GRIA1: variants seen among roughly 807,000 people sequenced by gnomAD.
GRIA1 encodes the protein glutamate receptor 1.
GRIA1 carries 31 observed loss-of-function variants against 99.2 expected under a neutral mutation model. The observed-to-expected ratio is 0.31, with a 90% CI of 0.23 to 0.42. GRIA1 has a LOEUF of 0.42. GRIA1 is among the 10% of genes least tolerant of loss of function. The probability of loss-of-function intolerance (pLI) is 1.00; values close to 1 mark genes in which losing one functional copy is unlikely to be tolerated. For missense variants in GRIA1, 782 were observed against 1,157.5 expected (o/e 0.68, Z 4.71); for synonymous variants, 438 against 432.4 (o/e 1.01, Z -0.16).
At chr5:153,608,792 A>T (rs1765681450) in intron 2 of GRIA1, among the ~76,000 whole-genome samples, 1 of 151,974 alleles carries the variant, frequency 6.6e-6, no homozygotes, top group Non-Finnish European at 1.5e-5. Context: ...TTCCTGTATA[A>T]CAGTTTTTTT....
chr5:153,806,406 C>T (rs1766430969), intron 15 of GRIA1, among the ~76,000 whole-genome samples: 2 of 152,180 alleles, frequency 1.3e-5, no homozygotes, highest in African/African-American at 2.4e-5. Context: ...GCTGGGACTA[C>T]AGTCACGTGC....
At chr5:153,742,840 C>A (rs953988978) in intron 11 of GRIA1, among the ~76,000 whole-genome samples, 2 of 152,206 alleles carry the variant, frequency 1.3e-5, no homozygotes, top group Admixed American at 6.5e-5. Context: ...TGCATTGAGT[C>A]CACCTGGAAA....
chr5:153,765,419 AT>A, intron 12 of GRIA1, among the ~76,000 whole-genome samples: 1 of 152,240 alleles, frequency 6.6e-6, no homozygotes, highest in Non-Finnish European at 1.5e-5. Context: ...TCCATATACC[AT>A]TAGGACTTCA....
Position 153,638,370 on chromosome 5 carries a change from T to C in GRIA1, c.221-8558T>C, listed in dbSNP as rs144101864. Among the ~76,000 whole-genome samples, 437 of 152,356 alleles carry C rather than the reference T, an allele frequency of 2.9e-3. 3 individuals are homozygous for C. The highest frequency in any genetic ancestry group is 1.0e-2 in the African/African-American group (415 of 41,580). On this transcript the variant is annotated intron_variant, in intron 2 of 15. Transcript: ENST00000285900. ...GTGGACATTTATGGAGCTCCTAACA[T>C]GATTTTGGGCTCTAATTTATGAAAT...
intron 13 of GRIA1, among the ~76,000 whole-genome samples, chr5:153,779,076 A>C (rs183513330): frequency 2.2e-4 from 33 of 152,310 alleles, no homozygotes; most frequent in Middle Eastern, 3.4e-3. Flanking sequence ...CAACTGTGCC[A>C]TAAGTTTAGA....
chr5:153,541,954 A>C (rs1581201699), intron 2 of GRIA1, among the ~76,000 whole-genome samples: 1 of 139,476 alleles, frequency 7.2e-6, no homozygotes, highest in African/African-American at 2.6e-5. Context: ...AAAAAAAAAC[A>C]AGAAAAGTGT....
chr5:153,564,603 A>T (rs1200159264), intron 2 of GRIA1, among the ~76,000 whole-genome samples: 1 of 152,212 alleles, frequency 6.6e-6, no homozygotes, highest in East Asian at 1.9e-4. Context: ...CAGCTGCAAC[A>T]CTTACACAAG....
chr5:153,688,813 G>A (rs1319082842), intron 8 of GRIA1, among the ~76,000 whole-genome samples: 1 of 151,446 alleles, frequency 6.6e-6, no homozygotes, highest in Non-Finnish European at 1.5e-5. Context: ...TCCACCTCCC[G>A]GATTCAAGTG....
intron 2 of GRIA1, among the ~76,000 whole-genome samples, chr5:153,549,820 G>C (rs550813025): frequency 6.6e-6 from 1 of 152,242 alleles, no homozygotes; most frequent in Non-Finnish European, 1.5e-5. Context: ...GTGGACTCAG[G>C]TCTGCATTCC....
intron 14 of GRIA1, among the ~76,000 whole-genome samples, chr5:153,800,149 T>C (rs1426620319): frequency 2.0e-5 from 3 of 152,194 alleles, no homozygotes; most frequent in Non-Finnish European, 4.4e-5. Context: ...CCTCCAGCTT[T>C]CTTTTTTACC....
intron 12 of GRIA1, among the ~76,000 whole-genome samples, chr5:153,764,966 G>C (rs1763417128): frequency 2.0e-5 from 3 of 152,150 alleles, no homozygotes; most frequent in African/African-American, 7.2e-5. Flanking sequence ...TAATCAATTA[G>C]GAACAGCTTA....
At chr5:153,751,341 G>A (rs1762500622) in intron 11 of GRIA1, among the ~76,000 whole-genome samples, 1 of 152,338 alleles carries the variant, frequency 6.6e-6, no homozygotes, top group South Asian at 2.1e-4. Flanking sequence ...TGGATAGATG[G>A]TTTTTAAAAT....
intron 3 of GRIA1, among the ~76,000 whole-genome samples, chr5:153,649,520 C>T (rs528001839): frequency 8.6e-4 from 131 of 152,272 alleles, no homozygotes; most frequent in Non-Finnish European, 9.4e-4. Context: ...TGCAATGGCA[C>T]GATGTGGGCT....
chr5:153,539,041 A>T (rs1758837074), intron 2 of GRIA1, among the ~76,000 whole-genome samples: 1 of 152,198 alleles, frequency 6.6e-6, no homozygotes, highest in African/African-American at 2.4e-5. Context: ...AAACCTCATG[A>T]AGGGGTAACT....
intron 2 of GRIA1, among the ~76,000 whole-genome samples, chr5:153,500,929 C>G (rs747113428): frequency 3.9e-5 from 6 of 152,090 alleles, no homozygotes; most frequent in African/African-American, 7.2e-5. Flanking sequence ...ATCCCCTCCC[C>G]CAAGCTTATT....
chr5:153,613,027 G>T (rs1766139460), intron 2 of GRIA1, among the ~76,000 whole-genome samples: 1 of 152,166 alleles, frequency 6.6e-6, no homozygotes, highest in Admixed American at 6.5e-5. Flanking sequence ...GGCAAGAAGT[G>T]CTCAAGTTCC....
intron 14 of GRIA1, chr5:153,795,396 T>C (rs1561866916): frequency 1.2e-5 from 9 of 764,090 alleles, no homozygotes; most frequent in African/African-American, 1.7e-5. Flanking sequence ...CAATGAATGA[T>C]GTGAATGAAT....
intron 11 of GRIA1, among the ~76,000 whole-genome samples, chr5:153,760,444 A>T (rs1763104899): frequency 6.6e-6 from 1 of 152,068 alleles, no homozygotes; most frequent in Admixed American, 6.6e-5. Context: ...GCTCCAAAAA[A>T]CACATCTAGG....
At chr5:153,516,933 T>A (rs976504150) in intron 2 of GRIA1, among the ~76,000 whole-genome samples, 2 of 152,180 alleles carry the variant, frequency 1.3e-5, no homozygotes, top group African/African-American at 4.8e-5. Flanking sequence ...GGCCGTATTA[T>A]GAAGAAAAAC....
Sources: allele counts gnomAD v4.1 joint callset (sites outside exome capture counted in the v4.1 genomes callset), GRCh38; gene constraint gnomAD v4.1.1; transcripts MANE v1.5; gene names NCBI Gene and HGNC (gene_info 2026-07-23, HGNC 2026-07-21).